The following OSBPL6 variants were observed in gnomAD, a reference collection of about 807,000 sequenced individuals.
OSBPL6 encodes the protein oxysterol-binding protein-related protein 6.
In OSBPL6, 49 loss-of-function variants were observed where a neutral mutation model predicts 125.8. The ratio of observed to expected loss-of-function variants is 0.39; its 90% CI spans 0.31 to 0.49. The LOEUF (loss-of-function observed/expected upper bound fraction) is 0.49. OSBPL6 is among the 20% of genes least tolerant of loss of function. The pLI, the probability that OSBPL6 is intolerant of heterozygous loss-of-function variation, is 0.88. For missense variants in OSBPL6, 986 were observed against 1,135.4 expected (o/e 0.87, Z 1.89); for synonymous variants, 394 against 391.8 (o/e 1.01, Z -0.07).
intron 3 of OSBPL6, among the ~76,000 whole-genome samples, chr2:178,319,523 T>C (rs1688054549): frequency 6.6e-6 from 1 of 152,214 alleles, no homozygotes; most frequent in African/African-American, 2.4e-5. Context: ...ACCTTCCAAC[T>C]CCAACCCTTA....
Position 178,294,424 on chromosome 2 carries a change from G to A in OSBPL6, c.-156+9303G>A, listed in dbSNP as rs140569211. On this transcript the variant is annotated intron_variant, in intron 2 of 24. Coordinates refer to ENST00000190611, the MANE Select transcript of OSBPL6 (RefSeq NM_032523.4). ...TACCAAATAATACATGATAACAGAC[G>A]TCTTAAAATTATCCAATATTGATTG... 1.5e-3 allele frequency among the ~76,000 whole-genome samples: 226 copies of A among 152,216 alleles called. 1 individual carries two copies. Among genetic ancestry groups the A allele is most frequent in the African/African-American group, 4.5e-3 (187 of 41,546 alleles).
At chr2:178,354,798 C>T (rs1302190454) in intron 12 of OSBPL6, among the ~76,000 whole-genome samples, 1 of 152,168 alleles carries the variant, frequency 6.6e-6, no homozygotes, top group Non-Finnish European at 1.5e-5. Context: ...TTCTCAGCAC[C>T]ACATCACACT....
intron 2 of OSBPL6, among the ~76,000 whole-genome samples, chr2:178,304,164 A>C (rs938152551): frequency 6.6e-6 from 1 of 152,100 alleles, no homozygotes; most frequent in African/African-American, 2.4e-5. Flanking sequence ...GGAGAGGAGG[A>C]ACCTCATGTC....
At chr2:178,278,345 G>A (rs532269336) in intron 1 of OSBPL6, among the ~76,000 whole-genome samples, 1 of 152,200 alleles carries the variant, frequency 6.6e-6, no homozygotes, top group South Asian at 2.1e-4. Flanking sequence ...AATTTCTTAA[G>A]GGCAAGAGCC....
intron 13 of OSBPL6, among the ~76,000 whole-genome samples, 176 bp downstream of exon 13, chr2:178,361,991 A>G (rs1335701114): frequency 6.6e-6 from 1 of 152,240 alleles, no homozygotes; most frequent in Non-Finnish European, 1.5e-5. Context: ...TTCTTCCCCA[A>G]AATTTCAAGG....
chr2:178,278,396 G>A (rs1360444840), intron 1 of OSBPL6, among the ~76,000 whole-genome samples: 2 of 152,152 alleles, frequency 1.3e-5, no homozygotes, highest in African/African-American at 4.8e-5. Flanking sequence ...CCTCTTTAGA[G>A]TCTGGTTTTG....
rs1684574136 is a variant in OSBPL6, at chr2:178,285,127, T to A, written c.-156+6T>A. On this transcript the variant is annotated splice_donor_region_variant and intron_variant, in intron 2 of 24. Transcript: ENST00000190611. ...CTTTGACTCCAAGGTGCAAGGTGAG[T>A]TAGAAGAACACAAGCTTAAAACCAA... 1 of 398,222 alleles carries A rather than the reference T, an allele frequency of 2.5e-6. No individual in the cohort carries two copies. Among genetic ancestry groups the A allele is most frequent in the South Asian group, 1.3e-4 (1 of 7,850 alleles). The allele number at this position is 398,222 out of a possible 1,614,324, so 24.7% of individuals were successfully genotyped here. A position where few individuals can be genotyped will look rare whatever the true frequency, so the allele number is the denominator to read the frequency against.
intron 5 of OSBPL6, among the ~76,000 whole-genome samples, chr2:178,330,798 G>C (rs1361605930): frequency 1.3e-5 from 2 of 152,156 alleles, no homozygotes; most frequent in Non-Finnish European, 2.9e-5. Flanking sequence ...CCTGGGAGCT[G>C]TTTGTTCTCT....
intron 11 of OSBPL6, among the ~76,000 whole-genome samples, chr2:178,348,871 G>C (rs1159386296): frequency 6.6e-6 from 1 of 152,214 alleles, no homozygotes; most frequent in Non-Finnish European, 1.5e-5. Flanking sequence ...GAGAAGGTCA[G>C]CTACATCACA....
chr2:178,351,979 C>A (rs1691302947), intron 12 of OSBPL6, among the ~76,000 whole-genome samples: 1 of 152,112 alleles, frequency 6.6e-6, no homozygotes, highest in Admixed American at 6.5e-5. Flanking sequence ...ACATATTACC[C>A]CCAAACCTAA....
chr2:178,247,014 C>G (rs908102457), intron 1 of OSBPL6, among the ~76,000 whole-genome samples: 6 of 133,318 alleles, frequency 4.5e-5, no homozygotes, highest in African/African-American at 1.5e-4. Context: ...CTGCCCCTCC[C>G]CACCCCCCCA....
chr2:178,254,554 A>G (rs1315377525), intron 1 of OSBPL6, among the ~76,000 whole-genome samples: 1 of 152,212 alleles, frequency 6.6e-6, no homozygotes, highest in Non-Finnish European at 1.5e-5. Context: ...AATGTATACT[A>G]AAAAATGACT....
In OSBPL6 at chr2:178,306,513, G is replaced by C. The variant is rs145694493; in HGVS notation, c.102+227G>C. 6.7e-3 allele frequency among the ~76,000 whole-genome samples: 1,017 copies of C among 152,306 alleles called. 4 individuals are homozygous for C. Among genetic ancestry groups the C allele is most frequent in the Non-Finnish European group, 9.8e-3 (664 of 68,030 alleles). ...AAGGCAGACACAGAAGGCTGGTAGG[G>C]TGGCTATGAGAAGCCCTGCCGTCTT... On this transcript the variant is annotated intron_variant, in intron 3 of 24. Coordinates refer to ENST00000190611, the MANE Select transcript of OSBPL6 (RefSeq NM_032523.4).
upstream of OSBPL6, among the ~76,000 whole-genome samples, chr2:178,194,276 C>T (rs2088703559): frequency 6.6e-6 from 1 of 152,182 alleles, no homozygotes; most frequent in African/African-American, 2.4e-5. Flanking sequence ...CCCGCGTGAC[C>T]AGGGCGCAGG....
chr2:178,205,073 C>T (rs78189030), intron 1 of OSBPL6, among the ~76,000 whole-genome samples: 6,795 of 152,182 alleles, frequency 0.045, 212 homozygotes, highest in Middle Eastern at 0.12. Context: ...TGTCAACTGA[C>T]TGCCAAGCTC....
chr2:178,353,759 C>T (rs1418484313), intron 12 of OSBPL6, among the ~76,000 whole-genome samples: 1 of 152,152 alleles, frequency 6.6e-6, no homozygotes, highest in Non-Finnish European at 1.5e-5. Context: ...AAAGATACTC[C>T]TCAACAAGAG....
At chr2:178,349,442 A>T (rs1691032267) in intron 12 of OSBPL6, 53 bp downstream of exon 12, 8 of 1,559,222 alleles carry the variant, frequency 5.1e-6, no homozygotes, top group Non-Finnish European at 7.0e-6. Flanking sequence ...TTGATGAAAG[A>T]TTATCCTTTG....
intron 23 of OSBPL6, 106 bp from the exon 24 acceptor site, chr2:178,394,207 G>A (rs972871618): frequency 1.1e-5 from 16 of 1,397,984 alleles, no homozygotes; most frequent in East Asian, 9.3e-5. Flanking sequence ...GTTACTGTGC[G>A]GTATTTTATG....
chr2:178,232,383 C>T (rs79379662), intron 1 of OSBPL6, among the ~76,000 whole-genome samples: 1 of 152,030 alleles, frequency 6.6e-6, no homozygotes, highest in East Asian at 1.9e-4. Context: ...CATAGGGCAC[C>T]AAGGTTAAAG....
Sources: gnomAD v4.1 joint callset for allele counts (sites outside exome capture counted in the v4.1 genomes callset) on GRCh38, gnomAD v4.1.1 for gene constraint, MANE v1.5 for transcripts, NCBI Gene and HGNC (gene_info 2026-07-23, HGNC 2026-07-21) for gene names.